IL1RAPL1: variants seen among roughly 807,000 people sequenced by gnomAD.
IL1RAPL1 encodes the protein interleukin 1 receptor accessory protein like 1, also known as interleukin-1 receptor accessory protein-like 1.
IL1RAPL1 carries 3 observed loss-of-function variants against 48.4 expected under a neutral mutation model. The observed-to-expected ratio is 0.06, with a 90% CI of 0.03 to 0.16. IL1RAPL1 has a LOEUF of 0.16. IL1RAPL1 is among the 10% of genes least tolerant of loss of function. IL1RAPL1 has a pLI of 1.00. For synonymous variants in IL1RAPL1, 185 were observed against 187.7 expected (o/e 0.99, Z 0.12); for missense variants, 349 against 530.6 (o/e 0.66, Z 3.36).
At chrX:29,851,456 G>A (rs1224381975) in intron 6 of IL1RAPL1, among the ~76,000 whole-genome samples, 1 of 111,866 alleles carries the variant, frequency 8.9e-6, no homozygotes, top group Non-Finnish European at 1.9e-5. Flanking sequence ...ATTTCCAGAA[G>A]GCCACTGAAA....
At chrX:29,709,862 C>A (rs1045645938) in intron 6 of IL1RAPL1, among the ~76,000 whole-genome samples, 3 of 111,650 alleles carry the variant, frequency 2.7e-5, no homozygotes, top group African/African-American at 9.8e-5. Flanking sequence ...TTACAGTTTT[C>A]AGTGTACAGA....
intron 2 of IL1RAPL1, among the ~76,000 whole-genome samples, chrX:29,178,837 A>G (rs2147519042): frequency 8.9e-6 from 1 of 111,956 alleles, no homozygotes; most frequent in East Asian, 2.8e-4. Flanking sequence ...TCCCAGCACC[A>G]TTTATTAAAT....
intron 2 of IL1RAPL1, among the ~76,000 whole-genome samples, chrX:28,987,067 A>C (rs1240649507): frequency 1.8e-5 from 2 of 112,504 alleles, no homozygotes; most frequent in Non-Finnish European, 1.9e-5. Flanking sequence ...TCCTTTGTAC[A>C]TGTGCTTTTG....
At chrX:28,650,482 G>C (rs1375757347) in intron 1 of IL1RAPL1, among the ~76,000 whole-genome samples, 1 of 111,543 alleles carries the variant, frequency 9.0e-6, no homozygotes, top group Admixed American at 9.5e-5. Context: ...GCATGGGAAA[G>C]ACCTGCCCCC....
chrX:29,553,888 C>T (rs1446941847), intron 5 of IL1RAPL1, among the ~76,000 whole-genome samples: 1 of 108,974 alleles, frequency 9.2e-6, no homozygotes, highest in Admixed American at 9.8e-5. Context: ...ATAAAAATTA[C>T]GGTTTAAGGA....
At chrX:29,727,508 G>A (rs991193636) in intron 6 of IL1RAPL1, among the ~76,000 whole-genome samples, 7 of 111,990 alleles carry the variant, frequency 6.3e-5, no homozygotes, top group African/African-American at 1.3e-4. Context: ...TCTTATTCCC[G>A]GTTACCTGGG....
At position 29,203,722 on chromosome X, in the gene IL1RAPL1, AATATATATATATATATATATATATAT is replaced by A. The variant is rs56950481; in HGVS notation, c.83-79202_83-79177del. ...CAACAAGAGCAAAACTCCGTCTCAAAATATATATATATATATATATATATATATATATATATATAGTTAACTATAGT... is the reference window on the plus strand; with the variant it reads ...CAACAAGAGCAAAACTCCGTCTCAAAATATATATATATAGTTAACTATAGT... On this transcript the variant is annotated intron_variant, in intron 2 of 10. Transcript: ENST00000378993. 5.1e-5 allele frequency among the ~76,000 whole-genome samples: 4 copies of A among 78,428 alleles called. 1 individual carries two copies. Among genetic ancestry groups the A allele is most frequent in the African/African-American group, 1.6e-4 (3 of 18,493 alleles). The allele number at this position is 78,428 out of a possible 115,157, so 68.1% of individuals were successfully genotyped here. A position where few individuals can be genotyped will look rare whatever the true frequency, so the allele number is the denominator to read the frequency against.
intron 3 of IL1RAPL1, among the ~76,000 whole-genome samples, chrX:29,352,466 G>A (rs1026738275): frequency 9.0e-6 from 1 of 111,532 alleles, no homozygotes; most frequent in Non-Finnish European, 1.9e-5. Context: ...CAAGTAATAA[G>A]AATTTGTGCT....
intron 1 of IL1RAPL1, among the ~76,000 whole-genome samples, chrX:28,765,190 T>G (rs1033408851): frequency 9.1e-6 from 1 of 109,634 alleles, no homozygotes; most frequent in Non-Finnish European, 1.9e-5. Context: ...CATTAGGAGA[T>G]ATACCTAATG....
chrX:29,527,624 T>C (rs1019817777), intron 5 of IL1RAPL1, among the ~76,000 whole-genome samples: 3 of 110,394 alleles, frequency 2.7e-5, no homozygotes, highest in Non-Finnish European at 5.7e-5. Context: ...TGTGCCTGGC[T>C]GGGAAGGACT....
At chrX:29,073,065 G>A (rs755216205) in intron 2 of IL1RAPL1, among the ~76,000 whole-genome samples, 2 of 111,757 alleles carry the variant, frequency 1.8e-5, no homozygotes, top group Non-Finnish European at 3.8e-5. Flanking sequence ...ACAATTTATG[G>A]AACATATTTC....
At chrX:29,273,187 G>A (rs150595677) in intron 2 of IL1RAPL1, among the ~76,000 whole-genome samples, 7,333 of 112,013 alleles carry the variant, frequency 0.065, 209 homozygotes, top group South Asian at 0.18. Flanking sequence ...TAGCACAGTT[G>A]TTTGGAGGTA....
At chrX:29,427,477 G>A (rs897492003) in intron 5 of IL1RAPL1, among the ~76,000 whole-genome samples, 1 of 111,583 alleles carries the variant, frequency 9.0e-6, no homozygotes, top group African/African-American at 3.3e-5. Flanking sequence ...AGAAACTAGG[G>A]TTTTTAATGA....
At chrX:29,242,310 G>A (rs1005465138) in intron 2 of IL1RAPL1, among the ~76,000 whole-genome samples, 5 of 112,007 alleles carry the variant, frequency 4.5e-5, no homozygotes, top group Admixed American at 1.9e-4. Flanking sequence ...ATAATTCTAC[G>A]TACACTCCTA....
intron 6 of IL1RAPL1, among the ~76,000 whole-genome samples, chrX:29,772,937 G>T (rs1016432878): frequency 6.4e-5 from 7 of 109,979 alleles, no homozygotes; most frequent in Non-Finnish European, 1.1e-4. Flanking sequence ...TTTACCCCTT[G>T]CCACCTATAT....
rs1384577 is a variant in IL1RAPL1 at position 28,870,914 on chromosome X, T to A, written c.82+81489T>A. Among the ~76,000 whole-genome samples the A allele has an allele frequency of 7.3e-4, 82 of 111,955 alleles. No homozygotes were observed. In the South Asian group the frequency reaches 0.027, roughly 37 times the overall value. ...TGTATGGGAATTGTACTCAAGTTAG[T>A]CCAATATGGAGTGATGGTTTTAAAC... On this transcript the variant is annotated intron_variant, in intron 2 of 10. Transcript: ENST00000378993.
intron 1 of IL1RAPL1, among the ~76,000 whole-genome samples, chrX:28,668,526 C>T (rs775411584): frequency 5.8e-4 from 66 of 113,364 alleles, no homozygotes; most frequent in African/African-American, 2.1e-3. Flanking sequence ...CCGAAGTGCT[C>T]GGGCTATAGG....
intron 6 of IL1RAPL1, among the ~76,000 whole-genome samples, chrX:29,799,035 T>A (rs181541883): frequency 8.9e-6 from 1 of 112,251 alleles, no homozygotes. Context: ...AAGATAAATT[T>A]GAAATGTCAG....
intron 8 of IL1RAPL1, among the ~76,000 whole-genome samples, chrX:29,924,221 A>ACT (rs1156445414): frequency 8.9e-6 from 1 of 112,193 alleles, no homozygotes; most frequent in East Asian, 2.8e-4. Flanking sequence ...CCTTGCTCTA[A>ACT]CTATGTGATA....
Sources: allele counts gnomAD v4.1 joint callset (sites outside exome capture counted in the v4.1 genomes callset), GRCh38; gene constraint gnomAD v4.1.1; transcripts MANE v1.5; gene names NCBI Gene and HGNC (gene_info 2026-07-23, HGNC 2026-07-21).